SOX5: variants seen among roughly 807,000 people sequenced by gnomAD.
SOX5 encodes the protein SRY-box transcription factor 5.
A neutral mutation model predicts 92.0 loss-of-function variants in SOX5; 9 were observed. That is an observed-to-expected ratio of 0.10 (90% confidence interval 0.06 to 0.17). SOX5 has a LOEUF of 0.17. SOX5 is among the 10% of genes least tolerant of loss of function. The probability of loss-of-function intolerance (pLI) is 1.00; values close to 1 mark genes in which losing one functional copy is unlikely to be tolerated. For synonymous variants in SOX5, 344 were observed against 336.3 expected (o/e 1.02, Z -0.25); for missense variants, 642 against 944.5 (o/e 0.68, Z 4.20).
intron 4 of SOX5, among the ~76,000 whole-genome samples, chr12:24,011,787 T>C (rs1952971105): frequency 6.6e-6 from 1 of 152,178 alleles, no homozygotes; most frequent in South Asian, 2.1e-4. Context: ...GTTTATTTAT[T>C]ATCTTGGTCA....
chr12:24,230,738 C>A (rs900478539), intron 3 of SOX5: 1 of 152,152 alleles, frequency 6.6e-6, no homozygotes, highest in Admixed American at 6.5e-5. Context: ...GAGTAACATA[C>A]CCTCTTAGAT....
chr12:24,100,792 G>A lies in SOX5; in HGVS notation c.-2+112551C>T, dbSNP rs149192417. Among the ~76,000 whole-genome samples the A allele has an allele frequency of 9.5e-4, 144 of 152,182 alleles. 1 individual carries two copies. The highest frequency in any genetic ancestry group is 3.4e-3 in the Middle Eastern group (1 of 294). Reference sequence around the variant, plus strand: ...ATTTTCTCAAATCTGGACTTCTCAAGTTTTCCCAACTTCACTAAATGTCAT... The same window carrying A: ...ATTTTCTCAAATCTGGACTTCTCAAATTTTCCCAACTTCACTAAATGTCAT... On this transcript the variant is annotated intron_variant, in intron 4 of 4. Coordinates refer to the SOX5 transcript ENST00000446891.
chr12:23,958,370 T>C (rs73283615), intron 4 of SOX5, among the ~76,000 whole-genome samples: 8,416 of 152,002 alleles, frequency 0.055, 637 homozygotes, highest in East Asian at 0.36. Flanking sequence ...TCATAAAAGG[T>C]AGAAATGCAA....
chr12:23,600,614 A>C (rs1307872824), intron 9 of SOX5, among the ~76,000 whole-genome samples: 2 of 147,900 alleles, frequency 1.4e-5, no homozygotes, highest in Non-Finnish European at 3.0e-5. Flanking sequence ...GTAACTCATG[A>C]CAATATGTCA....
chr12:24,217,811 TA>T (rs2139757016), intron 3 of SOX5, among the ~76,000 whole-genome samples: 1 of 152,262 alleles, frequency 6.6e-6, no homozygotes, highest in East Asian at 1.9e-4. Context: ...AAAAGTCAAA[TA>T]ACTAATTTAA....
intron 3 of SOX5, among the ~76,000 whole-genome samples, chr12:23,822,636 T>C (rs1197060195): frequency 6.6e-6 from 1 of 152,196 alleles, no homozygotes; most frequent in African/African-American, 2.4e-5. Context: ...CTATTAGGTC[T>C]GCTTGGTCCA....
At chr12:23,673,046 T>C (rs1308245369) in intron 6 of SOX5, among the ~76,000 whole-genome samples, 1 of 152,086 alleles carries the variant, frequency 6.6e-6, no homozygotes, top group African/African-American at 2.4e-5. Context: ...TCAGGTATAA[T>C]CTCCATATTA....
intron 4 of SOX5, among the ~76,000 whole-genome samples, chr12:24,158,196 G>A (rs1408993724): frequency 6.6e-6 from 1 of 152,010 alleles, no homozygotes; most frequent in Non-Finnish European, 1.5e-5. Context: ...GGGCAAGGCA[G>A]TAGAAAAGGC....
chr12:23,762,501 A>G (rs186184611), intron 3 of SOX5: 330 of 442,458 alleles, frequency 7.5e-4, no homozygotes, highest in African/African-American at 6.1e-3. Flanking sequence ...CTTTATTTTT[A>G]TATGTGATTG....
Position 23,881,567 on chromosome 12 carries a change from G to A in SOX5, c.270+14226C>T, listed in dbSNP as rs73267717. Among the ~76,000 whole-genome samples, 323 of 152,256 alleles carry A rather than the reference G, an allele frequency of 2.1e-3. 1 individual carries two copies. The highest frequency in any genetic ancestry group is 5.7e-3 in the African/African-American group (236 of 41,562). On this transcript the variant is annotated intron_variant, in intron 2 of 14. Coordinates refer to ENST00000451604, the MANE Select transcript of SOX5 (RefSeq NM_006940.6). ...ATCGGCTTTTATATTTCAATCTGTCGTGTTAAGTTGTCAAGGGGAGCGATT... is the reference window on the plus strand; with the variant it reads ...ATCGGCTTTTATATTTCAATCTGTCATGTTAAGTTGTCAAGGGGAGCGATT...
At chr12:24,465,913 T>C (rs750476995) in intron 1 of SOX5, among the ~76,000 whole-genome samples, 3 of 152,168 alleles carry the variant, frequency 2.0e-5, no homozygotes, top group Non-Finnish European at 2.9e-5. Flanking sequence ...CACTTCCCCA[T>C]AGATGGGAAA....
chr12:24,475,808 T>C (rs1159091923), intron 1 of SOX5, among the ~76,000 whole-genome samples: 1 of 151,954 alleles, frequency 6.6e-6, no homozygotes, highest in African/African-American at 2.4e-5. Flanking sequence ...AATGTGAGAC[T>C]CCATTCCTAC....
intron 4 of SOX5, among the ~76,000 whole-genome samples, chr12:23,749,905 A>G (rs1357739403): frequency 6.6e-6 from 1 of 151,874 alleles, no homozygotes; most frequent in African/African-American, 2.4e-5. Flanking sequence ...GAGCCAACAG[A>G]ATATTAGGTA....
At chr12:23,573,287 C>A (rs1044263715) in intron 10 of SOX5, among the ~76,000 whole-genome samples, 3 of 152,054 alleles carry the variant, frequency 2.0e-5, no homozygotes, top group East Asian at 3.9e-4. Flanking sequence ...TTTATATCAC[C>A]AAATTAACTT....
intron 4 of SOX5, among the ~76,000 whole-genome samples, chr12:24,093,649 C>T (rs1035238297): frequency 1.3e-5 from 2 of 151,546 alleles, no homozygotes; most frequent in African/African-American, 4.8e-5. Flanking sequence ...CCTAGTTTCC[C>T]CCACAATTTA....
chr12:24,394,097 G>C (rs1396205), intron 1 of SOX5, among the ~76,000 whole-genome samples: 7 of 151,828 alleles, frequency 4.6e-5, no homozygotes, highest in Non-Finnish European at 1.0e-4. Flanking sequence ...CATTTTTCTC[G>C]TTAGAGCTCC....
At chr12:24,502,937 T>C (rs374188385) in intron 1 of SOX5, among the ~76,000 whole-genome samples, 3 of 152,136 alleles carry the variant, frequency 2.0e-5, no homozygotes, top group Non-Finnish European at 4.4e-5. Flanking sequence ...AATAATTGAC[T>C]AGCACTCATC....
chr12:23,875,714 G>C (rs946094019), intron 2 of SOX5, among the ~76,000 whole-genome samples: 2 of 152,122 alleles, frequency 1.3e-5, no homozygotes, highest in African/African-American at 4.8e-5. Context: ...AGCAATGCTA[G>C]GTTGAGATTA....
chr12:24,133,254 C>G (rs980770612), intron 4 of SOX5, among the ~76,000 whole-genome samples: 1 of 152,140 alleles, frequency 6.6e-6, no homozygotes, highest in Non-Finnish European at 1.5e-5. Context: ...AAGAGTCATG[C>G]GAACAGCTTT....
Sources: gnomAD v4.1 joint callset for allele counts (sites outside exome capture counted in the v4.1 genomes callset) on GRCh38, gnomAD v4.1.1 for gene constraint, MANE v1.5 for transcripts, NCBI Gene and HGNC (gene_info 2026-07-23, HGNC 2026-07-21) for gene names.